LTBP1: variants seen among roughly 807,000 people sequenced by gnomAD.
LTBP1 encodes the protein latent-transforming growth factor beta-binding protein 1.
LTBP1 carries 129 observed loss-of-function variants against 207.6 expected under a neutral mutation model. The observed-to-expected ratio is 0.62, with a 90% CI of 0.54 to 0.72. The LOEUF (loss-of-function observed/expected upper bound fraction) is 0.72, where lower values mean the gene tolerates loss of function less well. LTBP1 is among the 30% of genes least tolerant of loss of function. The pLI, the probability that LTBP1 is intolerant of heterozygous loss-of-function variation, is 0.00. For synonymous variants in LTBP1, 963 were observed against 833.7 expected, an observed-to-expected ratio of 1.16 and a Z score of -2.67; for missense variants, 2,281 against 2,217.2, an observed-to-expected ratio of 1.03 and a Z score of -0.58.
chr2:33,252,532 A>G, intron 10 of LTBP1, 145 bp from the exon 11 acceptor site: 1 of 732,578 alleles, frequency 1.4e-6, no homozygotes, highest in Non-Finnish European at 2.1e-6. Context: ...ATTTTTCTTC[A>G]AGAAAGGTGA....
At chr2:33,145,967 A>G (rs920894158) in intron 5 of LTBP1, among the ~76,000 whole-genome samples, 10 of 152,334 alleles carry the variant, frequency 6.6e-5, no homozygotes, top group African/African-American at 2.4e-4. Flanking sequence ...GTCAAAGTCT[A>G]TCATATTTTG....
At chr2:33,348,571 T>C (rs1030186646) in intron 26 of LTBP1, among the ~76,000 whole-genome samples, 9 of 152,212 alleles carry the variant, frequency 5.9e-5, no homozygotes, top group Admixed American at 3.3e-4. Flanking sequence ...CAAAAAAATC[T>C]GGTTGGCCAC....
At chr2:33,384,140 C>T (rs2095245438) in intron 31 of LTBP1, among the ~76,000 whole-genome samples, 1 of 152,170 alleles carries the variant, frequency 6.6e-6, no homozygotes. Context: ...AATGTTCCTT[C>T]CATTGCTGCC....
At position 33,186,907 on chromosome 2, in the gene LTBP1, A is replaced by T; in HGVS notation, c.1253A>T (p.Lys418Ile). The T allele has an allele frequency of 6.2e-7, 1 of 1,614,144 alleles. No individual in the cohort carries two copies. The highest frequency in any genetic ancestry group is 8.5e-7 in the Non-Finnish European group (1 of 1,180,008). ...GGTGGCCAGTGCAGTTCAAGGGACA[A>T]ATGTCAGTGCCCTCCAAATTTCACA... ...MNGGQCSSRD[K>I]CQCPPNFTGK... is the part of the protein sequence containing the mutation. Residue 418 changes from lysine (K) to isoleucine (I), a missense_variant, in exon 6 of 34, where the codon AAA (lysine) becomes ATA (isoleucine). By Grantham distance (102) the Lys-to-Ile change is moderately radical (BLOSUM62 -3). Coordinates refer to ENST00000404816, the MANE Select transcript of LTBP1 (RefSeq NM_206943.4).
At chr2:33,018,186 A>G (rs1260936411) in intron 2 of LTBP1, among the ~76,000 whole-genome samples, 1 of 147,540 alleles carries the variant, frequency 6.8e-6, no homozygotes, top group Admixed American at 6.9e-5. Context: ...CTGTCTCCCC[A>G]CCCCCCTTAC....
chr2:33,058,960 A>C, intron 3 of LTBP1, among the ~76,000 whole-genome samples: 1 of 152,224 alleles, frequency 6.6e-6, no homozygotes, highest in South Asian at 2.1e-4. Context: ...GGGTTTATGC[A>C]AATGTGGGCA....
intron 7 of LTBP1, among the ~76,000 whole-genome samples, chr2:33,207,750 T>C (rs2089991163): frequency 6.6e-6 from 1 of 152,220 alleles, no homozygotes; most frequent in African/African-American, 2.4e-5. Context: ...TTTAGAACTT[T>C]TTACTTTTTG....
At chr2:33,034,612 A>G (rs1321287938) in intron 3 of LTBP1, among the ~76,000 whole-genome samples, 1 of 152,214 alleles carries the variant, frequency 6.6e-6, no homozygotes, top group Non-Finnish European at 1.5e-5. Flanking sequence ...TCTGGATACT[A>G]TAATGAGCAC....
intron 7 of LTBP1, among the ~76,000 whole-genome samples, chr2:33,214,088 CT>C (rs1022148853): frequency 7.9e-5 from 12 of 152,210 alleles, no homozygotes; most frequent in African/African-American, 2.9e-4. Flanking sequence ...GAGTGTTTCG[CT>C]TGATTAGGAG....
At position 33,021,096 on chromosome 2, in the gene LTBP1, T is replaced by C. The variant is rs746587311; in HGVS notation, c.753T>C (p.His251=). The C allele has an allele frequency of 9.9e-6, 16 of 1,614,118 alleles. No individual in the cohort carries two copies. In the East Asian group the frequency reaches 2.9e-4, roughly 29 times the overall value. Residue 251 remains histidine (H), a synonymous_variant, in exon 3 of 34, where the codon CAT becomes CAC. Coordinates refer to ENST00000404816, the MANE Select transcript of LTBP1 (RefSeq NM_206943.4). ...GCCCTCCTGAGCAAGCAGCAAAGCA[T>C]ACTTCATCTAAGAAGGCAGACACTC... ...SWGPPEQAAK[H]TSSKKADTLP...
intron 3 of LTBP1, among the ~76,000 whole-genome samples, chr2:33,024,017 G>A (rs1370240691): frequency 6.6e-6 from 1 of 152,160 alleles, no homozygotes; most frequent in Non-Finnish European, 1.5e-5. Flanking sequence ...TGTCTAACAT[G>A]CCAAAATGTT....
At chr2:33,208,711 G>A (rs566192668) in intron 7 of LTBP1, among the ~76,000 whole-genome samples, 1 of 152,136 alleles carries the variant, frequency 6.6e-6, no homozygotes, top group South Asian at 2.1e-4. Flanking sequence ...ATAGAACTTG[G>A]GCACTTAAAT....
intron 2 of LTBP1, among the ~76,000 whole-genome samples, chr2:33,007,323 C>G (rs1235293082): frequency 6.6e-6 from 1 of 152,206 alleles, no homozygotes; most frequent in East Asian, 1.9e-4. Flanking sequence ...TATGGCATGG[C>G]TTGGATTGCA....
At chr2:33,343,427 A>C (rs1278526533) in intron 25 of LTBP1, among the ~76,000 whole-genome samples, 3 of 151,792 alleles carry the variant, frequency 2.0e-5, no homozygotes, top group Non-Finnish European at 4.4e-5. Flanking sequence ...AAAAAAAAAA[A>C]ATCCTATGGC....
intron 2 of LTBP1, among the ~76,000 whole-genome samples, chr2:32,980,622 A>G (rs1258022621): frequency 1.3e-5 from 2 of 152,206 alleles, no homozygotes; most frequent in Admixed American, 6.5e-5. Flanking sequence ...AGTAGTTTAC[A>G]TACCACAATT....
chr2:33,035,463 C>G (rs1331810542), intron 3 of LTBP1, among the ~76,000 whole-genome samples: 1 of 152,058 alleles, frequency 6.6e-6, no homozygotes, highest in Non-Finnish European at 1.5e-5. Flanking sequence ...ATTTTAAATC[C>G]GGAAAAGAGA....
chr2:33,003,747 C>G (rs1163093639), intron 2 of LTBP1, among the ~76,000 whole-genome samples: 1 of 152,138 alleles, frequency 6.6e-6, no homozygotes, highest in Non-Finnish European at 1.5e-5. Flanking sequence ...TCACTTGTGT[C>G]AAAACCCTGA....
chr2:33,125,989 T>C (rs1360069805), intron 4 of LTBP1, among the ~76,000 whole-genome samples: 1 of 152,202 alleles, frequency 6.6e-6, no homozygotes, highest in Non-Finnish European at 1.5e-5. Flanking sequence ...GAGCTGCAGT[T>C]ATCTGAAGGC....
chr2:32,973,820 A>G (rs959875762), intron 2 of LTBP1, among the ~76,000 whole-genome samples: 1 of 152,214 alleles, frequency 6.6e-6, no homozygotes, highest in African/African-American at 2.4e-5. Context: ...ATTTTTAGAC[A>G]CCACAAATAA....
Sources: allele counts gnomAD v4.1 joint callset (sites outside exome capture counted in the v4.1 genomes callset), GRCh38; gene constraint gnomAD v4.1.1; transcripts MANE v1.5; gene names NCBI Gene and HGNC (gene_info 2026-07-23, HGNC 2026-07-21).